The following MOBP variants were observed in gnomAD, a reference collection of about 807,000 sequenced individuals.
MOBP encodes the protein myelin-associated oligodendrocyte basic protein.
Under a neutral mutation model 15.0 loss-of-function variants are expected in MOBP, and 5 were observed. The observed-to-expected ratio is 0.33, with a 90% CI of 0.17 to 0.70. The LOEUF is 0.70. Ranked by LOEUF, MOBP falls within the 30% of genes least tolerant of loss-of-function variation. The pLI is 0.67. For missense variants in MOBP, 188 were observed against 257.8 expected (o/e 0.73, Z 1.85); for synonymous variants, 88 against 99.0 (o/e 0.89, Z 0.66).
chr3:39,472,619 C>T (rs2042487183), intron 1 of MOBP, among the ~76,000 whole-genome samples: 2 of 152,200 alleles, frequency 1.3e-5, no homozygotes, highest in Non-Finnish European at 2.9e-5. Flanking sequence ...CCTTCTCTCA[C>T]TCAGCCAAAA....
At chr3:39,512,300 C>T (rs1263094861) in intron 4 of MOBP, among the ~76,000 whole-genome samples, 4 of 152,062 alleles carry the variant, frequency 2.6e-5, no homozygotes, top group African/African-American at 9.7e-5. Flanking sequence ...TGTGGGCCTC[C>T]GTGCTAGTCT....
downstream of MOBP, among the ~76,000 whole-genome samples, chr3:39,520,276 G>A (rs1374573281): frequency 6.6e-6 from 1 of 152,182 alleles, no homozygotes; most frequent in African/African-American, 2.4e-5. Flanking sequence ...AGTTACATTA[G>A]ATTATGTTGG....
At chr3:39,527,846 G>A (rs1022377062), downstream of MOBP, 6 of 152,334 alleles carry the variant, frequency 3.9e-5, no homozygotes, top group South Asian at 2.1e-4. Context: ...TCATCTAGAT[G>A]GAAGCTGGGG....
intron 2 of MOBP, among the ~76,000 whole-genome samples, chr3:39,501,157 C>T (rs2042964319): frequency 2.0e-5 from 3 of 152,164 alleles, no homozygotes; most frequent in Admixed American, 2.0e-4. Flanking sequence ...TCAAGGAATC[C>T]ATCCTTTTTC....
downstream of MOBP, among the ~76,000 whole-genome samples, chr3:39,520,769 A>G (rs530988878): frequency 2.6e-5 from 4 of 152,216 alleles, no homozygotes; most frequent in East Asian, 7.7e-4. Context: ...ATGGCTCCTG[A>G]TACAGTAAAC....
chr3:39,479,919 G>A (rs1243405911), intron 1 of MOBP, 121 bp from the exon 2 acceptor site: 2 of 149,892 alleles, frequency 1.3e-5, no homozygotes, highest in African/African-American at 4.9e-5. Context: ...TAGATCAAAC[G>A]TCATAATCCT....
At chr3:39,491,070 A>G (rs943953255) in intron 2 of MOBP, among the ~76,000 whole-genome samples, 3 of 152,214 alleles carry the variant, frequency 2.0e-5, no homozygotes, top group Non-Finnish European at 4.4e-5. Flanking sequence ...AGGTCACTGA[A>G]GGGAACACTT....
intron 1 of MOBP, among the ~76,000 whole-genome samples, chr3:39,469,232 A>G (rs201730163): frequency 0.039 from 3,484 of 89,412 alleles, 590 homozygotes; most frequent in African/African-American, 0.066. Context: ...ATATATACAT[A>G]TGTGTGTGTA....
At chr3:39,469,272 AGAT>A (rs1273075797) in intron 1 of MOBP, among the ~76,000 whole-genome samples, 1 of 130,378 alleles carries the variant, frequency 7.7e-6, no homozygotes, top group Non-Finnish European at 1.8e-5. Context: ...GTATATGTAT[AGAT>A]ATATATACAT....
downstream of MOBP, chr3:39,525,564 A>G (rs2043314568): frequency 6.6e-6 from 1 of 152,214 alleles, no homozygotes; most frequent in South Asian, 2.1e-4. Flanking sequence ...CGGATGCCCA[A>G]AGATCCAACA....
chr3:39,502,950 C>A lies in MOBP; in HGVS notation c.*70C>A. The A allele has an allele frequency of 5.5e-6, 4 of 723,172 alleles. No individual in the cohort carries two copies. Among genetic ancestry groups the A allele is most frequent in the Non-Finnish European group, 6.7e-6 (3 of 446,860 alleles). The allele number at this position is 723,172 out of a possible 1,614,324, so 44.8% of individuals were successfully genotyped here. The stretch of plus-strand genomic sequence containing the variant: ...GCTTCCTGTGTTTACTAACACCGGG[C>A]TGTCTCCATGGCCCTCTTCAGCCTT... On this transcript the variant is annotated 3_prime_UTR_variant, in exon 4 of 4. Coordinates refer to ENST00000684792, the MANE Select transcript of MOBP (RefSeq NM_001393704.1). This position sits in a 1 kb window ranked among gnomAD's most constrained non-coding sequence, Gnocchi z 6.3.
Position 39,487,605 on chromosome 3 carries a change from G to A in MOBP, c.-5+7482G>A, listed in dbSNP as rs112227683. Among the ~76,000 whole-genome samples, 320 of 143,052 alleles carry A rather than the reference G, an allele frequency of 2.2e-3. 1 individual carries two copies. Among genetic ancestry groups the A allele is most frequent in the Admixed American group, 7.4e-3 (99 of 13,322 alleles). The allele number at this position is 143,052 out of a possible 152,430, so 93.8% of individuals were successfully genotyped here. A position where few individuals can be genotyped will look rare whatever the true frequency, so the allele number is the denominator to read the frequency against. On this transcript the variant is annotated intron_variant, in intron 2 of 3. Transcript: ENST00000684792. Reference sequence around the variant, plus strand: ...GTGGTGTGATCTCTGCTCACTGCAAGCCCCATATCCCAGGTTCACGCCATT... The same window carrying A: ...GTGGTGTGATCTCTGCTCACTGCAAACCCCATATCCCAGGTTCACGCCATT...
chr3:39,470,173 C>A (rs1218586087), intron 1 of MOBP, among the ~76,000 whole-genome samples: 2 of 152,208 alleles, frequency 1.3e-5, no homozygotes, highest in Non-Finnish European at 2.9e-5. Context: ...AGGAGGCGGA[C>A]CTCTGGCAAC....
At chr3:39,467,784 T>G (rs1230808508) in intron 1 of MOBP, 44 bp downstream of exon 1, 1 of 152,212 alleles carries the variant, frequency 6.6e-6, no homozygotes, top group Non-Finnish European at 1.5e-5. Context: ...ATTTTATACT[T>G]TCATCTTTAA....
chr3:39,498,474 C>T (rs1374237284), intron 2 of MOBP, among the ~76,000 whole-genome samples: 1 of 152,106 alleles, frequency 6.6e-6, no homozygotes, highest in South Asian at 2.1e-4. Context: ...CCTCAGCTGC[C>T]CGAGTAGCTG....
In MOBP at chr3:39,489,319, T is replaced by C. The variant is rs181258617; in HGVS notation, c.-5+9196T>C. Among the ~76,000 whole-genome samples, 5 of 152,316 alleles carry C rather than the reference T, an allele frequency of 3.3e-5. No individual in the cohort carries two copies. In the East Asian group the frequency reaches 9.6e-4, roughly 29 times the overall value. On this transcript the variant is annotated intron_variant, in intron 2 of 3. Coordinates refer to ENST00000684792, the MANE Select transcript of MOBP (RefSeq NM_001393704.1). ...AGTCATACATTGGATATACTACTCATGGGGTAAGAGATAGTCTGTTAATGT... is the reference window on the plus strand; with the variant it reads ...AGTCATACATTGGATATACTACTCACGGGGTAAGAGATAGTCTGTTAATGT...
chr3:39,521,827 A>G (rs2043270823), intron 3 of MOBP, among the ~76,000 whole-genome samples: 1 of 152,220 alleles, frequency 6.6e-6, no homozygotes, highest in African/African-American at 2.4e-5. Context: ...ACCTAAGTGT[A>G]TAATACCGTC....
At chr3:39,516,437 G>A (rs1229399491), downstream of MOBP, among the ~76,000 whole-genome samples, 2 of 152,154 alleles carry the variant, frequency 1.3e-5, no homozygotes, top group Non-Finnish European at 2.9e-5. Context: ...AGGAGAAAAG[G>A]AGAGTATAGA....
chr3:39,513,894 CTT>C (rs1242012354), exon 5 of MOBP: 1 of 156,496 alleles, frequency 6.4e-6, no homozygotes, highest in East Asian at 1.9e-4. Context: ...GGGTTTCTCT[CTT>C]TCTCTGTGCC....
Sources: gnomAD v4.1 joint callset for allele counts (sites outside exome capture counted in the v4.1 genomes callset) on GRCh38, gnomAD v4.1.1 for gene constraint, Gnocchi (gnomAD v3.1) non-coding constraint, MANE v1.5 for transcripts, NCBI Gene and HGNC (gene_info 2026-07-23, HGNC 2026-07-21) for gene names.